RUNX1: variants seen among roughly 807,000 people sequenced by gnomAD.
RUNX1 encodes the protein RUNX family transcription factor 1, also known as runt-related transcription factor 1.
A neutral mutation model predicts 42.8 loss-of-function variants in RUNX1; 19 were observed. The ratio of observed to expected loss-of-function variants is 0.44; its 90% CI spans 0.31 to 0.65. RUNX1 has a LOEUF of 0.65. Among genes scored for constraint, RUNX1 ranks in the 30% least tolerant of loss-of-function variants. The probability of loss-of-function intolerance (pLI) is 0.07; values close to 1 mark genes in which losing one functional copy is unlikely to be tolerated. For missense variants in RUNX1, 528 were observed against 672.0 expected, an observed-to-expected ratio of 0.79 and a Z score of 2.37; for synonymous variants, 271 against 289.4, an observed-to-expected ratio of 0.94 and a Z score of 0.64.
In RUNX1 at chr21:34,907,148, T is replaced by C. The variant is rs1347240119; in HGVS notation, c.59-14185A>G. On this transcript the variant is annotated intron_variant, in intron 2 of 8. Coordinates refer to ENST00000675419, the MANE Select transcript of RUNX1 (RefSeq NM_001754.5). This position sits in a 1 kb window ranked among gnomAD's most constrained non-coding sequence, Gnocchi z 5.3. ...AAAACCTTGACTCTAAGGACAGCAC[T>C]TTCCTGGTGTACAGTCTTTGGGGGC... is the stretch of plus-strand genomic sequence containing the variant. Among the ~76,000 whole-genome samples, 1 of 152,080 alleles carries C rather than the reference T, an allele frequency of 6.6e-6. No individual in the cohort carries two copies. Among genetic ancestry groups the C allele is most frequent in the African/African-American group, 2.4e-5 (1 of 41,332 alleles).
intron 2 of RUNX1, among the ~76,000 whole-genome samples, chr21:35,031,433 T>A (rs1319930697): frequency 6.6e-6 from 1 of 151,326 alleles, no homozygotes; most frequent in Admixed American, 6.6e-5. Flanking sequence ...TGGGAAGCCA[T>A]TATGGAAAAC....
At chr21:34,946,951 A>G (rs184349175) in intron 2 of RUNX1, among the ~76,000 whole-genome samples, 53 of 152,266 alleles carry the variant, frequency 3.5e-4, no homozygotes, top group South Asian at 1.2e-3. Flanking sequence ...GTCTGTAATG[A>G]GCTACTTCTC....
intron 3 of RUNX1, 149 bp from the exon 4 acceptor site, chr21:34,887,245 G>GGGGGGGA: frequency 4.1e-6 from 3 of 732,712 alleles, no homozygotes; most frequent in South Asian, 1.7e-5. Flanking sequence ...CGGGGGGTGG[G>GGGGGGGA]GGGGGGCGGG....
chr21:34,875,473 T>C (rs1569075257), intron 5 of RUNX1, among the ~76,000 whole-genome samples: 1 of 152,234 alleles, frequency 6.6e-6, no homozygotes. Flanking sequence ...ATATATATTA[T>C]TTTAAAGTGT....
At chr21:34,972,358 C>T (rs2058769617) in intron 2 of RUNX1, among the ~76,000 whole-genome samples, 1 of 152,180 alleles carries the variant, frequency 6.6e-6, no homozygotes, top group African/African-American at 2.4e-5. Flanking sequence ...GGTTCCATGA[C>T]AAATAACCTC....
At chr21:34,835,912 A>T (rs1282964819) in intron 6 of RUNX1, among the ~76,000 whole-genome samples, 2 of 152,128 alleles carry the variant, frequency 1.3e-5, no homozygotes, top group Non-Finnish European at 2.9e-5. Flanking sequence ...CCAGCTCCCA[A>T]TGGCTACAAT....
intron 2 of RUNX1, among the ~76,000 whole-genome samples, chr21:34,930,287 TATATAAATAA>T (rs2058432401): frequency 7.0e-6 from 1 of 142,960 alleles, no homozygotes; most frequent in Non-Finnish European, 1.5e-5. Context: ...TATATATATA[TATATAAATAA>T]ATAAATAAAA....
intron 7 of RUNX1, among the ~76,000 whole-genome samples, chr21:34,815,821 T>C (rs2056817701): frequency 1.3e-5 from 2 of 151,886 alleles, no homozygotes; most frequent in African/African-American, 4.8e-5. Flanking sequence ...CTGAGCAGTC[T>C]TTAGAGGAAG....
intron 6 of RUNX1, among the ~76,000 whole-genome samples, chr21:34,853,953 CA>C (rs781437249): frequency 6.6e-6 from 1 of 152,044 alleles, no homozygotes; most frequent in African/African-American, 2.4e-5. Context: ...GCTGGGACTA[CA>C]GGCGTGTACC....
intron 5 of RUNX1, among the ~76,000 whole-genome samples, chr21:34,877,304 G>C (rs893679346): frequency 3.3e-5 from 5 of 152,182 alleles, no homozygotes; most frequent in African/African-American, 1.2e-4. Flanking sequence ...TTTCACATAA[G>C]AGAATTCCTT....
intron 2 of RUNX1, among the ~76,000 whole-genome samples, chr21:34,959,204 A>G (rs1472528413): frequency 6.6e-6 from 1 of 151,876 alleles, no homozygotes; most frequent in Non-Finnish European, 1.5e-5. Flanking sequence ...GTATAATAAT[A>G]AAAAAAGACA....
At chr21:34,885,164 C>T (rs1386466460) in intron 4 of RUNX1, among the ~76,000 whole-genome samples, 2 of 151,950 alleles carry the variant, frequency 1.3e-5, no homozygotes, top group East Asian at 3.9e-4. Context: ...ACCCTGATTT[C>T]CCCCCCAAAA....
At chr21:34,909,955 C>T (rs910831722) in intron 2 of RUNX1, among the ~76,000 whole-genome samples, 13 of 152,288 alleles carry the variant, frequency 8.5e-5, no homozygotes, top group East Asian at 1.9e-4. Context: ...CCTTCTTCTT[C>T]AACTATTATC....
intron 2 of RUNX1, among the ~76,000 whole-genome samples, chr21:35,034,054 G>A (rs1044385794): frequency 1.3e-5 from 2 of 152,122 alleles, no homozygotes; most frequent in African/African-American, 4.8e-5. Flanking sequence ...CTCTCTAGAA[G>A]GCCTTCTCTT....
chr21:34,817,282 T>A (rs1004215452), intron 7 of RUNX1, among the ~76,000 whole-genome samples: 3 of 152,166 alleles, frequency 2.0e-5, no homozygotes, highest in African/African-American at 7.2e-5. Context: ...TCCTTTTGTT[T>A]CTCTGGGATT....
chr21:34,796,492 G>A (rs950487016), intron 8 of RUNX1, among the ~76,000 whole-genome samples: 1 of 152,184 alleles, frequency 6.6e-6, no homozygotes, highest in Non-Finnish European at 1.5e-5. Context: ...CAGAAGTGTG[G>A]GGGGAGTTGG....
At chr21:34,973,365 C>CA (rs1810021576) in intron 2 of RUNX1, among the ~76,000 whole-genome samples, 1 of 152,176 alleles carries the variant, frequency 6.6e-6, no homozygotes, top group Non-Finnish European at 1.5e-5. Context: ...CAAATCCCTG[C>CA]AACGTACTGG....
At chr21:35,023,139 T>A (rs2146950446) in intron 2 of RUNX1, among the ~76,000 whole-genome samples, 1 of 152,098 alleles carries the variant, frequency 6.6e-6, no homozygotes, top group African/African-American at 2.4e-5. Flanking sequence ...AGACAGGGTT[T>A]TGCCATGTTG....
chr21:35,017,753 G>C (rs2059169877), intron 2 of RUNX1, among the ~76,000 whole-genome samples: 1 of 152,166 alleles, frequency 6.6e-6, no homozygotes, highest in African/African-American at 2.4e-5. Flanking sequence ...GTGTTCTCCA[G>C]TGGGCTTTTA....
Sources: allele counts gnomAD v4.1 joint callset (sites outside exome capture counted in the v4.1 genomes callset), GRCh38; gene constraint gnomAD v4.1.1; non-coding constraint Gnocchi (gnomAD v3.1); transcripts MANE v1.5; gene names NCBI Gene and HGNC (gene_info 2026-07-23, HGNC 2026-07-21).